Variants in RAB40A observed in about 807,000 individuals in gnomAD.
The protein encoded by RAB40A is ras-related protein Rab-40A.
For synonymous variants in RAB40A, 65 were observed against 99.9 expected (o/e 0.65, Z 2.08); for missense variants, 145 against 230.2 (o/e 0.63, Z 2.40).
chrX:103,496,225 A>G (rs2073170092), downstream of RAB40A, among the ~76,000 whole-genome samples: 1 of 112,392 alleles, frequency 8.9e-6, no homozygotes, highest in East Asian at 2.8e-4. Flanking sequence ...TTAGCCACAT[A>G]TATTGTTTAG....
At chrX:103,512,614 G>C (rs1434116358) in intron 2 of RAB40A, among the ~76,000 whole-genome samples, 1 of 111,536 alleles carries the variant, frequency 9.0e-6, no homozygotes, top group Non-Finnish European at 1.9e-5. Flanking sequence ...TTCATACCCG[G>C]ATTGACTAGT....
chrX:103,493,328 T>G, the RAB40A span, among the ~76,000 whole-genome samples: 1 of 111,716 alleles, frequency 9.0e-6, no homozygotes, highest in Non-Finnish European at 1.9e-5. Flanking sequence ...TATATATTTT[T>G]GGGGATACAT....
chrX:103,496,186 G>A (rs988683796), downstream of RAB40A, among the ~76,000 whole-genome samples: 1 of 112,122 alleles, frequency 8.9e-6, no homozygotes, highest in East Asian at 2.8e-4. Flanking sequence ...GTAGAGGACA[G>A]AATTAAACTT....
intron 2 of RAB40A, among the ~76,000 whole-genome samples, chrX:103,512,238 A>T (rs2147591008): frequency 8.9e-6 from 1 of 111,999 alleles, no homozygotes; most frequent in African/African-American, 3.2e-5. Context: ...CTGTTATTTT[A>T]AGCCACAAGT....
intron 2 of RAB40A, among the ~76,000 whole-genome samples, chrX:103,511,466 G>C (rs2073289259): frequency 1.8e-5 from 2 of 108,230 alleles, no homozygotes; most frequent in Admixed American, 2.0e-4. Flanking sequence ...TCATGCCACT[G>C]CACTCCAGCC....
chrX:103,515,174 T>C (rs771280498), intron 2 of RAB40A, among the ~76,000 whole-genome samples: 1 of 112,679 alleles, frequency 8.9e-6, no homozygotes, highest in South Asian at 3.7e-4. Context: ...GGTCTCCTGT[T>C]CAGTCTGTTG....
At chrX:103,509,329 GTCTC>G (rs1279449727) in intron 2 of RAB40A, among the ~76,000 whole-genome samples, 1 of 98,505 alleles carries the variant, frequency 1.0e-5, no homozygotes, top group Non-Finnish European at 2.0e-5. Flanking sequence ...CTGTCTCTCT[GTCTC>G]TCTGTCTCTT....
chrX:103,502,776 G>A (rs1467927787), intron 2 of RAB40A: 1 of 754,228 alleles, frequency 1.3e-6, no homozygotes, highest in Non-Finnish European at 1.6e-6. Flanking sequence ...GGTGACTTAG[G>A]CTCTGAAAGC....
chrX:103,494,606 G>A (rs918244152), downstream of RAB40A, among the ~76,000 whole-genome samples: 6 of 111,815 alleles, frequency 5.4e-5, no homozygotes, highest in Non-Finnish European at 1.1e-4. Context: ...TTTGTATATG[G>A]CAAGAAATAG....
At chrX:103,514,345 T>C (rs1368478853) in intron 2 of RAB40A, among the ~76,000 whole-genome samples, 2 of 111,553 alleles carry the variant, frequency 1.8e-5, no homozygotes, top group South Asian at 3.8e-4. Context: ...TGAAGAAACT[T>C]TGAATTTCTT....
At chrX:103,514,640 T>C (rs2073307481) in intron 2 of RAB40A, among the ~76,000 whole-genome samples, 1 of 112,166 alleles carries the variant, frequency 8.9e-6, no homozygotes, top group Non-Finnish European at 1.9e-5. Context: ...TGTGAGCCAC[T>C]GCACCCAGCC....
At chrX:103,494,592 A>G (rs193135629), downstream of RAB40A, among the ~76,000 whole-genome samples, 5 of 111,961 alleles carry the variant, frequency 4.5e-5, no homozygotes, top group African/African-American at 9.7e-5. Flanking sequence ...ATATTGATTT[A>G]ATTTTTGTAT....
At chrX:103,497,355 G>C (rs2073183390), downstream of RAB40A, among the ~76,000 whole-genome samples, 3 of 110,929 alleles carry the variant, frequency 2.7e-5, no homozygotes, top group Non-Finnish European at 3.8e-5. Context: ...ATAGATGGAT[G>C]GATGGATGGA....
At chrX:103,509,734 C>T (rs1283160405) in intron 2 of RAB40A, among the ~76,000 whole-genome samples, 1 of 105,166 alleles carries the variant, frequency 9.5e-6, no homozygotes. Flanking sequence ...TCACATTCCA[C>T]CTGTTTTTCA....
chrX:103,507,116 A>G (rs2073259584), intron 2 of RAB40A, among the ~76,000 whole-genome samples: 1 of 98,884 alleles, frequency 1.0e-5, no homozygotes, highest in African/African-American at 3.9e-5. Flanking sequence ...GCTCCCACTT[A>G]TGAGTGAGAA....
At chrX:103,502,602 C>G (rs2073234280) in intron 2 of RAB40A, 1 of 400,666 alleles carries the variant, frequency 2.5e-6, no homozygotes. Context: ...CCTCATCACC[C>G]AGAGGGGTTG....
intron 2 of RAB40A, among the ~76,000 whole-genome samples, chrX:103,515,400 G>A (rs1462920075): frequency 8.9e-6 from 1 of 112,381 alleles, no homozygotes; most frequent in African/African-American, 3.2e-5. Flanking sequence ...TAACATATGA[G>A]TATGTTTGTT....
intron 2 of RAB40A, among the ~76,000 whole-genome samples, chrX:103,515,911 T>C (rs2073314476): frequency 8.9e-6 from 1 of 112,399 alleles, no homozygotes; most frequent in Non-Finnish European, 1.9e-5. Flanking sequence ...GACAAAGATC[T>C]CCCCTTGAAC....
Position 103,500,785 on chromosome X carries a change from C to T in RAB40A, c.-29G>A. 2 of 1,197,811 alleles carry T rather than the reference C, an allele frequency of 1.7e-6. No homozygotes were observed. The highest frequency in any genetic ancestry group is 2.3e-6 in the Non-Finnish European group (2 of 888,552). On this transcript the variant is annotated 5_prime_UTR_variant, in exon 3 of 3. Transcript: ENST00000304236. Reference sequence around the variant, plus strand: ...GCTGGCCCCGCACTCCCGCCTGAGCCAGGCCCGCGGGGTTGTGCGCAGAGG... The same window carrying T: ...GCTGGCCCCGCACTCCCGCCTGAGCTAGGCCCGCGGGGTTGTGCGCAGAGG...
Sources: gnomAD v4.1 joint callset for allele counts (sites outside exome capture counted in the v4.1 genomes callset) on GRCh38, gnomAD v4.1.1 for gene constraint, MANE v1.5 for transcripts, NCBI Gene and HGNC (gene_info 2026-07-23, HGNC 2026-07-21) for gene names.